The following BTBD19 variants were observed in gnomAD, a reference collection of about 807,000 sequenced individuals.
BTBD19 encodes BTB domain containing 19.
BTBD19 carries 20 observed loss-of-function variants against 36.1 expected under a neutral mutation model. The ratio of observed to expected loss-of-function variants is 0.55; its 90% CI spans 0.39 to 0.80. BTBD19 has a LOEUF of 0.80. Among genes scored for constraint, BTBD19 ranks in the 30% least tolerant of loss-of-function variants. The pLI is 0.00. For synonymous variants in BTBD19, 157 were observed against 174.3 expected (o/e 0.90, Z 0.78); for missense variants, 325 against 389.8 (o/e 0.83, Z 1.40).
exon 8 of BTBD19, chr1:44,814,049 T>C (rs1557635050): frequency 1.8e-6 from 1 of 568,374 alleles, no homozygotes; most frequent in Non-Finnish European, 3.1e-6. Flanking sequence ...ACCCTGACTC[T>C]ACGCCCTGCC....
At position 44,813,038 on chromosome 1, in the gene BTBD19, G is replaced by GTGGC; in HGVS notation, c.459_462dup (p.Phe155GlyfsTer39). ...CCTGGGGCAGCTGCAGGAGCGCTGC[G>GTGGC]TGGCTTTCATAGAGGCCCACAGCCA... On this transcript the variant is annotated frameshift_variant, in exon 5 of 8. Transcript: ENST00000450269. LOFTEE classifies it high-confidence loss of function. The surrounding 1 kb of genome is among the most constrained non-coding windows in gnomAD (Gnocchi z 7.8). 1 of 1,551,476 alleles carries GTGGC rather than the reference G, an allele frequency of 6.4e-7. No homozygotes were observed. The highest frequency in any genetic ancestry group is 1.2e-5 in the South Asian group (1 of 83,998).
At position 44,813,865 on chromosome 1, in the gene BTBD19, T is replaced by C. The variant is rs1652558821; in HGVS notation, c.*93T>C. 10 of 1,507,320 alleles carry C rather than the reference T, an allele frequency of 6.6e-6. No individual in the cohort carries two copies. The highest frequency in any genetic ancestry group is 9.0e-6 in the Non-Finnish European group (10 of 1,111,126). 93.4% of individuals were successfully genotyped at this position (1,507,320 alleles called of 1,614,324 possible). A position where few individuals can be genotyped will look rare whatever the true frequency, so the allele number is the denominator to read the frequency against. On this transcript the variant is annotated 3_prime_UTR_variant, in exon 8 of 8. Transcript: ENST00000450269. The surrounding 1 kb of genome is among the most constrained non-coding windows in gnomAD (Gnocchi z 7.8). ...GAAGTGCTCGGCGTTCGGAGCGGGC[T>C]TCCGTTCCCAGCGTGCCCAGTGAGC...
chr1:44,810,169 G>A lies in BTBD19; in HGVS notation c.87-44G>A. On this transcript the variant is annotated intron_variant, in intron 1 of 7. Transcript: ENST00000450269. The surrounding 1 kb of genome is among the most constrained non-coding windows in gnomAD (Gnocchi z 4.2). ...AAGGCACAGCCCAAGTTGCACTCCG[G>A]GTGCTGGCCTCCTCCCCGCTGCCTC... 1 of 1,495,854 alleles carries A rather than the reference G, an allele frequency of 6.7e-7. No individual in the cohort carries two copies. The highest frequency in any genetic ancestry group is 9.1e-7 in the Non-Finnish European group (1 of 1,099,274). The allele number at this position is 1,495,854 out of a possible 1,614,324, so 92.7% of individuals were successfully genotyped here. A position where few individuals can be genotyped will look rare whatever the true frequency, so the allele number is the denominator to read the frequency against.
At chr1:44,812,418 A>G (rs943782472) in intron 4 of BTBD19, 3 of 455,112 alleles carry the variant, frequency 6.6e-6, no homozygotes, top group Non-Finnish European at 1.3e-5. Context: ...TTTAGAAGTC[A>G]AGCTGGGTCA....
chr1:44,813,288 G>A lies in BTBD19; in HGVS notation c.615+19G>A, dbSNP rs1277775301. On this transcript the variant is annotated intron_variant, in intron 6 of 7. Transcript: ENST00000450269. The surrounding 1 kb of genome is among the most constrained non-coding windows in gnomAD (Gnocchi z 7.8). ...GGGCGCGGTGAGTGGGGCTGGGGGA[G>A]CGCAAGGGCACGGAAGGAGGTGCTG... 1 of 1,537,042 alleles carries A rather than the reference G, an allele frequency of 6.5e-7. No homozygotes were observed. The highest frequency in any genetic ancestry group is 1.2e-5 in the South Asian group (1 of 83,832).
rs1044441940 is a variant in BTBD19 at position 44,813,441 on chromosome 1, TG to T, written c.685del (p.Ala229ProfsTer5). 1.6e-5 allele frequency: 25 copies of T among 1,544,470 alleles called. No homozygotes were observed. The highest frequency in any genetic ancestry group is 2.0e-5 in the Non-Finnish European group (23 of 1,146,612). The stretch of plus-strand genomic sequence containing the variant: ...GTGAAAGAGCTGAGACTAGCCTTGC[TG>T]GCCCCGGCGGAGCTGAGCGCCCTGG... On this transcript the variant is annotated frameshift_variant, in exon 7 of 8. Coordinates refer to ENST00000450269, the Ensembl canonical transcript of BTBD19. LOFTEE classifies it high-confidence loss of function. The surrounding 1 kb of genome is among the most constrained non-coding windows in gnomAD (Gnocchi z 7.8).
chr1:44,814,077 A>G (rs1283742334), exon 8 of BTBD19: 2 of 550,572 alleles, frequency 3.6e-6, no homozygotes, highest in Non-Finnish European at 6.5e-6. Flanking sequence ...ATTGTCGTCT[A>G]CTAGTCTATT....
Position 44,810,792 on chromosome 1 carries a change from T to A in BTBD19, c.354+185T>A. 1 of 432,112 alleles carries A rather than the reference T, an allele frequency of 2.3e-6. No homozygotes were observed. The highest frequency in any genetic ancestry group is 4.3e-6 in the Non-Finnish European group (1 of 232,052). 26.8% of individuals were successfully genotyped at this position (432,112 alleles called of 1,614,324 possible). ...GTGTGCAAAAGGATCCATGCATGCC[T>A]GCCCTGTGTGTGCTGTGGGAAGAGG... is the stretch of plus-strand genomic sequence containing the variant. On this transcript the variant is annotated intron_variant, in intron 3 of 7. Transcript: ENST00000450269. The surrounding 1 kb of genome is among the most constrained non-coding windows in gnomAD (Gnocchi z 4.2).
exon 8 of BTBD19, chr1:44,814,022 G>T (rs1443040989): frequency 5.1e-5 from 31 of 605,080 alleles, no homozygotes; most frequent in South Asian, 1.2e-4. Context: ...CGAAAACGAG[G>T]ATTTCCTTCG....
chr1:44,814,028 CTTCG>C, exon 8 of BTBD19: 1 of 596,272 alleles, frequency 1.7e-6, no homozygotes, highest in Non-Finnish European at 3.0e-6. Context: ...CGAGGATTTC[CTTCG>C]TTCCACACCC....
Position 44,813,451 on chromosome 1 carries a change from G to C in BTBD19, c.693G>C (p.Ala231=). 1 of 1,545,418 alleles carries C rather than the reference G, an allele frequency of 6.5e-7. No individual in the cohort carries two copies. The highest frequency in any genetic ancestry group is 8.7e-7 in the Non-Finnish European group (1 of 1,146,644). The change falls in exon 7 of 8, where the codon GCG becomes GCC. Residue 231 remains alanine (A), a synonymous_variant. Transcript: ENST00000450269. This position sits in a 1 kb window ranked among gnomAD's most constrained non-coding sequence, Gnocchi z 7.8. ...TGAGACTAGCCTTGCTGGCCCCGGCGGAGCTGAGCGCCCTGGAAGAGCAGA... is the reference window on the plus strand; with the variant it reads ...TGAGACTAGCCTTGCTGGCCCCGGCCGAGCTGAGCGCCCTGGAAGAGCAGA...
rs768855741 is a variant in BTBD19, at chr1:44,813,735, G to T, written c.839G>T (p.Arg280Leu). ...CGCCGCCGGAGAGGCACCCTGCCCC[G>T]GGAGCATCACCGCTTTCTGGACCTG... The change falls in exon 8 of 8, where the codon CGG becomes CTG. Residue 280 changes from arginine (R) to leucine (L), a missense_variant. By Grantham distance (102) the Arg-to-Leu change is moderately radical (BLOSUM62 -2). Coordinates refer to ENST00000450269, the Ensembl canonical transcript of BTBD19. This position sits in a 1 kb window ranked among gnomAD's most constrained non-coding sequence, Gnocchi z 7.8. The T allele has an allele frequency of 1.3e-6, 2 of 1,551,302 alleles. No individual in the cohort carries two copies. The highest frequency in any genetic ancestry group is 2.4e-5 in the South Asian group (2 of 84,042).
At chr1:44,812,820 TGTGTGTGTGTGTGTGTGTA>T (rs1652485258) in intron 4 of BTBD19, among the ~76,000 whole-genome samples, 157 bp from the exon 5 acceptor site, 1 of 101,548 alleles carries the variant, frequency 9.8e-6, no homozygotes, top group Non-Finnish European at 2.2e-5. Context: ...TGTGTGTGTG[TGTGTGTGTGTGTGTGTGTA>T]GCAGGCTTTC....
In BTBD19 at chr1:44,810,488, C is replaced by T. The variant is rs142560100; in HGVS notation, c.300+62C>T. 642 of 1,550,682 alleles carry T rather than the reference C, an allele frequency of 4.1e-4. 2 individuals are homozygous for T. Among genetic ancestry groups the T allele is most frequent in the Middle Eastern group, 3.0e-3 (18 of 5,990 alleles). ...GGGGGGTGCCAGAGGCAGGAGTTTG[C>T]CCATTACACTGTGGGCACAGGGCAG... On this transcript the variant is annotated intron_variant, in intron 2 of 7. Transcript: ENST00000450269. This position sits in a 1 kb window ranked among gnomAD's most constrained non-coding sequence, Gnocchi z 4.2.
intron 4 of BTBD19, 127 bp downstream of exon 4, chr1:44,812,225 G>A (rs1019920182): frequency 6.4e-6 from 4 of 627,704 alleles, no homozygotes; most frequent in Non-Finnish European, 1.1e-5. Context: ...GGTGGTGGGG[G>A]TGCTCCAAGG....
chr1:44,813,901 A>G lies in BTBD19; in HGVS notation c.*129A>G, dbSNP rs1652561565. 3.6e-6 allele frequency: 5 copies of G among 1,394,004 alleles called. No homozygotes were observed. Among genetic ancestry groups the G allele is most frequent in the Admixed American group, 4.2e-5 (2 of 48,080 alleles). The allele number at this position is 1,394,004 out of a possible 1,614,324, so 86.4% of individuals were successfully genotyped here. On this transcript the variant is annotated 3_prime_UTR_variant, in exon 8 of 8. Transcript: ENST00000450269. This position sits in a 1 kb window ranked among gnomAD's most constrained non-coding sequence, Gnocchi z 7.8. ...GCGTGCCCAGTGAGCCGGGCGCCGG[A>G]AGAACCGTTGTCTGCCACGCGCAGC...
exon 8 of BTBD19, chr1:44,814,064 G>A: frequency 3.6e-6 from 2 of 563,296 alleles, no homozygotes; most frequent in South Asian, 4.1e-5. Flanking sequence ...CCTGCCCCTG[G>A]GCATTGTCGT....
chr1:44,814,160 T>TTCTGTCTTTCTTTCTG (rs879548612), downstream of BTBD19: 100 of 131,004 alleles, frequency 7.6e-4, 1 homozygote, highest in Middle Eastern at 3.1e-3. Flanking sequence ...CTTTCTTTCT[T>TTCTGTCTTTCTTTCTG]TCTTTCTTTC....
At chr1:44,814,227 T>TTTCC (rs71587724), downstream of BTBD19, 1,304 of 107,130 alleles carry the variant, frequency 0.012, 38 homozygotes, top group African/African-American at 0.033. Context: ...TTTCTTTCTC[T>TTTCC]TTCCTTCCTT....
Sources: gnomAD v4.1 joint callset for allele counts (sites outside exome capture counted in the v4.1 genomes callset) on GRCh38, gnomAD v4.1.1 for gene constraint, Gnocchi (gnomAD v3.1) non-coding constraint, MANE v1.5 for transcripts, NCBI Gene and HGNC (gene_info 2026-07-23, HGNC 2026-07-21) for gene names.